The following IFI44L variants were observed in gnomAD, a reference collection of about 807,000 sequenced individuals.
IFI44L encodes interferon-induced protein 44-like.
Under a neutral mutation model 39.3 loss-of-function variants are expected in IFI44L, and 40 were observed. The ratio of observed to expected loss-of-function variants is 1.02; its 90% confidence interval spans 0.79 to 1.33. IFI44L has a LOEUF of 1.33. Among genes scored for constraint, IFI44L ranks in the 40% most tolerant of loss-of-function variants. IFI44L has a pLI of 0.00. For synonymous variants in IFI44L, 198 were observed against 182.3 expected, an observed-to-expected ratio of 1.09 and a Z score of -0.69; for missense variants, 623 against 549.0, an observed-to-expected ratio of 1.13 and a Z score of -1.35.
chr1:78,632,626 C>T (rs778077769), intron 4 of IFI44L, among the ~76,000 whole-genome samples: 1 of 152,074 alleles, frequency 6.6e-6, no homozygotes, highest in Admixed American at 6.6e-5. Flanking sequence ...TTGAGCTTTG[C>T]TATATTACAT....
intron 5 of IFI44L, among the ~76,000 whole-genome samples, chr1:78,636,137 C>A (rs1308801651): frequency 6.6e-6 from 1 of 152,028 alleles, no homozygotes; most frequent in Non-Finnish European, 1.5e-5. Flanking sequence ...AAAGAAGAAT[C>A]TCTTTTGCCT....
At chr1:78,625,646 T>G (rs1652456911) in intron 1 of IFI44L, 1 of 152,068 alleles carries the variant, frequency 6.6e-6, no homozygotes, top group Non-Finnish European at 1.5e-5. Flanking sequence ...CTGTCCATTA[T>G]TTCTTGCTTT....
rs1647000400 is a variant in IFI44L, at chr1:78,642,594, A to G, written c.*785A>G. The G allele has an allele frequency of 6.6e-6, 1 of 151,926 alleles. No individual in the cohort carries two copies. Among genetic ancestry groups the G allele is most frequent in the African/African-American group, 2.4e-5 (1 of 41,378 alleles). The allele number at this position is 151,926 out of a possible 1,614,324, so 9.4% of individuals were successfully genotyped here. On this transcript the variant is annotated 3_prime_UTR_variant, in exon 9 of 9. Transcript: ENST00000370751. ...AAAAAAACCAAATAAAACAAAACAA[A>G]CAAACGAAAAACAGAAAGGAAGACT...
chr1:78,635,653 G>T, intron 5 of IFI44L, 164 bp downstream of exon 5: 2 of 637,152 alleles, frequency 3.1e-6, no homozygotes, highest in Non-Finnish European at 5.3e-6. Context: ...AAAGTAGAGT[G>T]ACTATTGTTC....
At chr1:78,634,523 C>T (rs1427620294) in intron 4 of IFI44L, among the ~76,000 whole-genome samples, 2 of 152,044 alleles carry the variant, frequency 1.3e-5, no homozygotes, top group Non-Finnish European at 2.9e-5. Flanking sequence ...TAAAGATTTT[C>T]CTGGATGAAC....
chr1:78,629,678 T>C (rs1435112143), intron 3 of IFI44L, 42 bp from the exon 4 acceptor site: 8 of 1,445,130 alleles, frequency 5.5e-6, no homozygotes, highest in African/African-American at 2.8e-5. Flanking sequence ...GTATTCTTTA[T>C]TGGCTGTTCT....
chr1:78,633,350 A>G (rs1483842652), intron 4 of IFI44L, among the ~76,000 whole-genome samples: 1 of 152,174 alleles, frequency 6.6e-6, no homozygotes, highest in Non-Finnish European at 1.5e-5. Flanking sequence ...GCTGGTGCCA[A>G]GTGAGACCAT....
chr1:78,629,939 TA>T, intron 4 of IFI44L, 24 bp downstream of exon 4: 1 of 1,578,074 alleles, frequency 6.3e-7, no homozygotes, highest in Non-Finnish European at 8.7e-7. Context: ...CTGAGGATTT[TA>T]TTTTATAGAT....
chr1:78,625,361 G>A (rs1218746109), intron 1 of IFI44L, among the ~76,000 whole-genome samples: 2 of 151,968 alleles, frequency 1.3e-5, no homozygotes, highest in Admixed American at 6.6e-5. Context: ...TTACTTTTAT[G>A]TCAGCTTTGG....
chr1:78,628,833 T>G, intron 2 of IFI44L, 118 bp from the exon 3 acceptor site: 1 of 665,508 alleles, frequency 1.5e-6, no homozygotes, highest in East Asian at 2.7e-5. Flanking sequence ...GACTCCTAAC[T>G]GAGCAGCTCA....
At chr1:78,641,672 A>T in intron 8 of IFI44L, 63 bp downstream of exon 8, 1 of 1,608,504 alleles carries the variant, frequency 6.2e-7, no homozygotes, top group East Asian at 2.2e-5. Context: ...ATCCTAAGTT[A>T]TACATCAGTT....
chr1:78,642,020 A>T lies in IFI44L; in HGVS notation c.*211A>T. On this transcript the variant is annotated 3_prime_UTR_variant, in exon 9 of 9. Coordinates refer to ENST00000370751, the MANE Select transcript of IFI44L (RefSeq NM_006820.4). ...GCAAACCACCCCTCCATATTTCCGT[A>T]CCATTTACAATTCAGTTTCTGTGAC... 1 of 610,718 alleles carries T rather than the reference A, an allele frequency of 1.6e-6. No individual in the cohort carries two copies. Among genetic ancestry groups the T allele is most frequent in the African/African-American group, 1.9e-5 (1 of 53,994 alleles). The allele number at this position is 610,718 out of a possible 1,614,324, so 37.8% of individuals were successfully genotyped here. A position where few individuals can be genotyped will look rare whatever the true frequency, so the allele number is the denominator to read the frequency against.
intron 1 of IFI44L, chr1:78,621,086 CATTT>C (rs946193053): frequency 5.3e-5 from 8 of 152,124 alleles, no homozygotes; most frequent in Admixed American, 5.2e-4. Flanking sequence ...TTTGCTCTTT[CATTT>C]GTCTTTTATT....
At position 78,629,881 on chromosome 1, in the gene IFI44L, T is replaced by C; in HGVS notation, c.689T>C (p.Val230Ala). The C allele has an allele frequency of 6.2e-7, 1 of 1,613,824 alleles. No individual in the cohort carries two copies. Among genetic ancestry groups the C allele is most frequent in the South Asian group, 1.1e-5 (1 of 91,080 alleles). Residue 230 changes from valine to alanine, a missense_variant, in exon 4 of 9, where the codon GTA (valine) becomes GCA (alanine). By Grantham distance (64) the Val-to-Ala change is moderately conservative. Coordinates refer to ENST00000370751, the MANE Select transcript of IFI44L (RefSeq NM_006820.4). Reference sequence around the variant, plus strand: ...CATGGCCATGTGACTGGCCAAGCCGTAGTGGGGTCTGATATCACCAGCATA... The same window carrying C: ...CATGGCCATGTGACTGGCCAAGCCGCAGTGGGGTCTGATATCACCAGCATA... ...IFHGHVTGQA[V>A]VGSDITSITE...
chr1:78,629,320 A>C (rs1215607877), intron 3 of IFI44L, among the ~76,000 whole-genome samples: 1 of 152,168 alleles, frequency 6.6e-6, no homozygotes, highest in African/African-American at 2.4e-5. Context: ...TGTCAAAAAC[A>C]AACTTTCTTT....
Position 78,629,002 on chromosome 1 carries a change from A to G in IFI44L, c.527+3A>G. 6.4e-7 allele frequency: 1 copy of G among 1,569,554 alleles called. No individual in the cohort carries two copies. Among genetic ancestry groups the G allele is most frequent in the Non-Finnish European group, 8.8e-7 (1 of 1,140,104 alleles). On this transcript the variant is annotated splice_donor_region_variant and intron_variant, in intron 3 of 8. Transcript: ENST00000370751. ...AAGAGGATAATTAAAGCCAGAGAGT[A>G]AGTTGGATTCTTGGGCTATCTATTA...
At chr1:78,634,655 C>T (rs1652872356) in intron 4 of IFI44L, among the ~76,000 whole-genome samples, 1 of 152,038 alleles carries the variant, frequency 6.6e-6, no homozygotes, top group Non-Finnish European at 1.5e-5. Context: ...ATAAAACTCA[C>T]TGGTAAAACT....
chr1:78,630,137 T>C (rs1377167919), intron 4 of IFI44L: 2 of 451,676 alleles, frequency 4.4e-6, no homozygotes, highest in Non-Finnish European at 8.0e-6. Flanking sequence ...AGAATACTTT[T>C]TAGTATTTGT....
intron 6 of IFI44L, among the ~76,000 whole-genome samples, chr1:78,640,512 A>G (rs1646969301): frequency 6.6e-6 from 1 of 152,096 alleles, no homozygotes; most frequent in Non-Finnish European, 1.5e-5. Flanking sequence ...TTAATCTTAT[A>G]TTTTCCTCAT....
Sources: allele counts gnomAD v4.1 joint callset (sites outside exome capture counted in the v4.1 genomes callset), GRCh38; gene constraint gnomAD v4.1.1; transcripts MANE v1.5; gene names NCBI Gene and HGNC (gene_info 2026-07-23, HGNC 2026-07-21).